PIP5K1B: variants seen among roughly 807,000 people sequenced by gnomAD.
The protein encoded by PIP5K1B is phosphatidylinositol 4-phosphate 5-kinase type-1 beta.
In PIP5K1B, 42 loss-of-function variants were observed where a neutral mutation model predicts 67.0. The observed-to-expected ratio is 0.63, with a 90% CI of 0.49 to 0.81. The LOEUF (loss-of-function observed/expected upper bound fraction) is 0.81, where lower values mean the gene tolerates loss of function less well. PIP5K1B is among the 30% of genes least tolerant of loss of function. The probability of loss-of-function intolerance (pLI) is 0.00; values close to 1 mark genes in which losing one functional copy is unlikely to be tolerated. For synonymous variants in PIP5K1B, 214 were observed against 231.4 expected (o/e 0.92, Z 0.68); for missense variants, 459 against 646.3 (o/e 0.71, Z 3.14).
At chr9:68,865,299 C>CA (rs567188064) in intron 5 of PIP5K1B, among the ~76,000 whole-genome samples, 2,494 of 136,780 alleles carry the variant, frequency 0.018, 25 homozygotes, top group African/African-American at 0.034. Flanking sequence ...CCTACCATTC[C>CA]AAAAAAAAAA....
At chr9:68,857,728 A>G (rs1341885405) in intron 4 of PIP5K1B, among the ~76,000 whole-genome samples, 1 of 152,160 alleles carries the variant, frequency 6.6e-6, no homozygotes, top group South Asian at 2.1e-4. Context: ...TTAGCCAGGC[A>G]TGGTAGCATA....
At chr9:68,954,759 A>G (rs1295985217) in intron 14 of PIP5K1B, among the ~76,000 whole-genome samples, 5 of 152,218 alleles carry the variant, frequency 3.3e-5, no homozygotes, top group African/African-American at 1.2e-4. Context: ...TACTGCTCCA[A>G]GTAACTGGAG....
chr9:68,780,038 C>G, intron 2 of PIP5K1B: 1 of 1,289,982 alleles, frequency 7.8e-7, no homozygotes, highest in East Asian at 2.7e-5. Flanking sequence ...AAGGGCTACG[C>G]ATGCGCAGAG....
chr9:68,890,078 G>A (rs78132712), intron 7 of PIP5K1B, among the ~76,000 whole-genome samples: 2,445 of 152,256 alleles, frequency 0.016, 61 homozygotes, highest in African/African-American at 0.053. Context: ...CTGGGGCTAC[G>A]CAAGCAAAAG....
chr9:68,819,673 G>A (rs1386982670), intron 3 of PIP5K1B, among the ~76,000 whole-genome samples: 3 of 152,192 alleles, frequency 2.0e-5, no homozygotes, highest in Non-Finnish European at 4.4e-5. Context: ...AGTCTAAGAA[G>A]AAACAGTAGT....
At chr9:68,985,321 G>A (rs1165054225) in intron 14 of PIP5K1B, among the ~76,000 whole-genome samples, 1 of 150,556 alleles carries the variant, frequency 6.6e-6, no homozygotes, top group African/African-American at 2.5e-5. Context: ...GTGCGATCTC[G>A]GCTCACTGCC....
chr9:68,749,244 A>G (rs950079841), intron 2 of PIP5K1B, among the ~76,000 whole-genome samples: 4 of 152,202 alleles, frequency 2.6e-5, no homozygotes, highest in Admixed American at 2.6e-4. Flanking sequence ...AAGCATCCTA[A>G]TGAGAAAGAG....
intron 1 of PIP5K1B, among the ~76,000 whole-genome samples, chr9:68,722,009 C>G (rs1197862943): frequency 6.6e-6 from 1 of 152,134 alleles, no homozygotes; most frequent in Non-Finnish European, 1.5e-5. Flanking sequence ...CCCACTCTGC[C>G]TCCCTAGAAG....
intron 4 of PIP5K1B, among the ~76,000 whole-genome samples, chr9:68,846,796 C>T (rs554771701): frequency 6.6e-5 from 10 of 152,080 alleles, no homozygotes; most frequent in Non-Finnish European, 1.2e-4. Flanking sequence ...ATGTATAATT[C>T]CCTATCATCA....
intron 2 of PIP5K1B, among the ~76,000 whole-genome samples, chr9:68,769,728 A>G (rs1445245730): frequency 6.6e-6 from 1 of 151,978 alleles, no homozygotes; most frequent in Non-Finnish European, 1.5e-5. Context: ...TCTTACCTCT[A>G]GTTATTTCTG....
rs5898052 is a variant in PIP5K1B at position 68,963,504 on chromosome 9, GAA to G, written c.1502+22726_1502+22727del. ...GGTGACAGAGCAAGACTCTGTCTCA[GAA>G]AAAAAAAAAAACAAAACCTAAGAAA... is the stretch of plus-strand genomic sequence containing the variant. On this transcript the variant is annotated intron_variant, in intron 14 of 15. Coordinates refer to ENST00000265382, the MANE Select transcript of PIP5K1B (RefSeq NM_003558.4). Among the ~76,000 whole-genome samples the G allele has an allele frequency of 9.0e-3, 1,293 of 144,046 alleles. 22 individuals carry two copies. Among genetic ancestry groups the G allele is most frequent in the Admixed American group, 0.033 (480 of 14,526 alleles). 94.5% of individuals were successfully genotyped at this position (144,046 alleles called of 152,430 possible).
chr9:68,940,776 ACT>A lies in PIP5K1B; in HGVS notation c.1491_1492del (p.Tyr498PhefsTer24), dbSNP rs764748101. The A allele has an allele frequency of 1.2e-6, 2 of 1,613,820 alleles. No homozygotes were observed. The highest frequency in any genetic ancestry group is 3.3e-5 in the Admixed American group (2 of 60,000). ...AGCACTATCCACACGACAGGCCTAC[ACT>A]CTATTCAAACAGGTAATACTTAGTG... ...NEHYPHDRPTLYSNSKGLPSS... is the reference protein window; with the variant it reads ...NEHYPHDRPTXYSNSKGLPSS... On this transcript the variant is annotated frameshift_variant, in exon 14 of 16. Transcript: ENST00000265382. LOFTEE classifies it high-confidence loss of function.
chr9:68,787,088 G>A (rs1831668440), intron 2 of PIP5K1B, among the ~76,000 whole-genome samples: 1 of 152,144 alleles, frequency 6.6e-6, no homozygotes, highest in Admixed American at 6.5e-5. Flanking sequence ...TGCGGTTATG[G>A]GATTGAAACT....
intron 14 of PIP5K1B, chr9:68,963,234 G>T (rs1340739130): frequency 2.2e-6 from 1 of 456,238 alleles, no homozygotes; most frequent in Admixed American, 2.3e-5. Context: ...TCCTGTGTGT[G>T]GCTCACACCT....
intron 14 of PIP5K1B, among the ~76,000 whole-genome samples, chr9:68,986,089 A>C (rs542911530): frequency 1.2e-4 from 19 of 152,294 alleles, no homozygotes; most frequent in African/African-American, 4.6e-4. Flanking sequence ...TGTGTGGACA[A>C]GTTTTCATTT....
At chr9:68,835,742 G>A (rs944489151) in intron 4 of PIP5K1B, among the ~76,000 whole-genome samples, 26 of 151,934 alleles carry the variant, frequency 1.7e-4, no homozygotes, top group East Asian at 7.7e-4. Flanking sequence ...AAGGTGGAAG[G>A]TTGTTTCAAA....
intron 2 of PIP5K1B, among the ~76,000 whole-genome samples, chr9:68,771,113 C>T (rs1830653653): frequency 6.6e-6 from 1 of 152,156 alleles, no homozygotes; most frequent in African/African-American, 2.4e-5. Context: ...CTCTCGGATG[C>T]CTTTTTCACC....
chr9:68,825,499 A>G lies in PIP5K1B; in HGVS notation c.69+2816A>G, dbSNP rs373944273. ...TTGTAAATGATAGCAAACAGACTAC[A>G]CAAGTGTTGTCAAGGCCACCATACA... On this transcript the variant is annotated intron_variant, in intron 4 of 15. Coordinates refer to ENST00000265382, the MANE Select transcript of PIP5K1B (RefSeq NM_003558.4). Among the ~76,000 whole-genome samples, 11 of 152,228 alleles carry G rather than the reference A, an allele frequency of 7.2e-5. No homozygotes were observed. In the East Asian group the frequency reaches 1.3e-3, roughly 19 times the overall value.
chr9:68,852,219 C>T (rs11144001), intron 4 of PIP5K1B, among the ~76,000 whole-genome samples: 73,028 of 151,678 alleles, frequency 0.48, 17,550 homozygotes, highest in African/African-American at 0.51. Context: ...TCCTAGAACT[C>T]AAAGTAAAAT....
Sources: allele counts gnomAD v4.1 joint callset (sites outside exome capture counted in the v4.1 genomes callset), GRCh38; gene constraint gnomAD v4.1.1; transcripts MANE v1.5; gene names NCBI Gene and HGNC (gene_info 2026-07-23, HGNC 2026-07-21).